CHCHD3: variants seen among roughly 807,000 people sequenced by gnomAD.
The protein encoded by CHCHD3 is MICOS complex subunit MIC19.
In CHCHD3, 20 loss-of-function variants were observed where a neutral mutation model predicts 38.2. The ratio of observed to expected loss-of-function variants is 0.52; its 90% CI spans 0.37 to 0.76. CHCHD3 has a LOEUF of 0.76. Ranked by LOEUF, CHCHD3 falls within the 30% of genes least tolerant of loss-of-function variation. The pLI, the probability that CHCHD3 is intolerant of heterozygous loss-of-function variation, is 0.00. For synonymous variants in CHCHD3, 82 were observed against 100.0 expected, an observed-to-expected ratio of 0.82 and a Z score of 1.07; for missense variants, 245 against 279.2, an observed-to-expected ratio of 0.88 and a Z score of 0.87.
chr7:132,804,282 C>A (rs1001611500), intron 6 of CHCHD3, among the ~76,000 whole-genome samples: 1 of 152,174 alleles, frequency 6.6e-6, no homozygotes, highest in African/African-American at 2.4e-5. Flanking sequence ...ATTATAATAG[C>A]TTACAATCAC....
At chr7:133,045,324 C>T (rs536771758) in intron 2 of CHCHD3, among the ~76,000 whole-genome samples, 10 of 152,292 alleles carry the variant, frequency 6.6e-5, no homozygotes, top group African/African-American at 1.4e-4. Context: ...CAGGCTTACA[C>T]GACGCACAGG....
At chr7:133,029,245 A>G (rs1167279362) in intron 2 of CHCHD3, among the ~76,000 whole-genome samples, 2 of 152,196 alleles carry the variant, frequency 1.3e-5, no homozygotes, top group Non-Finnish European at 2.9e-5. Flanking sequence ...ATTACCACAA[A>G]TATATCGAGC....
At position 133,017,770 on chromosome 7, in the gene CHCHD3, A is replaced by T. The variant is rs1013504381; in HGVS notation, c.251+6776T>A. ...AACAGTGTAGCATCAGTAGGAAAGAAAATTGGATTTGAAAAAAGAAATAAA... is the reference window on the plus strand; with the variant it reads ...AACAGTGTAGCATCAGTAGGAAAGATAATTGGATTTGAAAAAAGAAATAAA... On this transcript the variant is annotated intron_variant, in intron 3 of 7. Coordinates refer to ENST00000262570, the MANE Select transcript of CHCHD3 (RefSeq NM_017812.4). 3.9e-5 allele frequency among the ~76,000 whole-genome samples: 6 copies of T among 152,362 alleles called. No homozygotes were observed. In the East Asian group the frequency reaches 1.2e-3, roughly 29 times the overall value.
intron 5 of CHCHD3, among the ~76,000 whole-genome samples, chr7:132,863,308 G>A (rs928947939): frequency 1.3e-5 from 2 of 152,170 alleles, no homozygotes; most frequent in African/African-American, 4.8e-5. Context: ...AGAGCTCTTG[G>A]GTGACTAGGT....
chr7:132,978,746 A>C (rs1202308698), intron 3 of CHCHD3, among the ~76,000 whole-genome samples: 1 of 152,148 alleles, frequency 6.6e-6, no homozygotes, highest in African/African-American at 2.4e-5. Context: ...GTGCCACAAC[A>C]GTCCAGAGCC....
intron 6 of CHCHD3, among the ~76,000 whole-genome samples, chr7:132,821,965 T>C (rs987363440): frequency 2.0e-5 from 3 of 152,058 alleles, no homozygotes; most frequent in Non-Finnish European, 4.4e-5. Context: ...GGTTTCACCT[T>C]GTTAGCCAGG....
chr7:132,975,236 T>C lies in CHCHD3; in HGVS notation c.302A>G (p.Gln101Arg), dbSNP rs753167569. 3.7e-6 allele frequency: 6 copies of C among 1,613,000 alleles called. No individual in the cohort carries two copies. The highest frequency in any genetic ancestry group is 2.2e-5 in the South Asian group (2 of 91,010). The change falls in exon 4 of 8, where the codon CAG (glutamine) becomes CGG (arginine). Residue 101 changes from glutamine to arginine, a missense_variant. Transcript: ENST00000262570. ...LDRERAAANEQLTRAILRERI... is the reference protein window; with the variant it reads ...LDRERAAANERLTRAILRERI... The stretch of plus-strand genomic sequence containing the variant: ...CTCCCGAAGGATGGCTCTGGTTAAC[T>C]GCTCATTGGCAGCAGCCCTCTCTCG...
chr7:132,949,326 A>C (rs1055525289), intron 4 of CHCHD3, among the ~76,000 whole-genome samples: 4 of 152,028 alleles, frequency 2.6e-5, no homozygotes, highest in Non-Finnish European at 5.9e-5. Context: ...TCATCTTAAA[A>C]GAGAGAGGAC....
intron 1 of CHCHD3, among the ~76,000 whole-genome samples, chr7:133,080,661 A>G (rs1160164095): frequency 1.3e-5 from 2 of 152,250 alleles, no homozygotes; most frequent in East Asian, 3.8e-4. Context: ...CAGATATTTT[A>G]TTACAAAATG....
At chr7:133,014,768 C>A (rs1156252035) in intron 3 of CHCHD3, among the ~76,000 whole-genome samples, 1 of 152,070 alleles carries the variant, frequency 6.6e-6, no homozygotes, top group Non-Finnish European at 1.5e-5. Context: ...TTCTTTATTG[C>A]TTCCTAACTC....
intron 4 of CHCHD3, among the ~76,000 whole-genome samples, chr7:132,961,179 G>C (rs1374180515): frequency 6.6e-6 from 1 of 152,120 alleles, no homozygotes; most frequent in East Asian, 1.9e-4. Flanking sequence ...CTGTTTGGGA[G>C]GCTGAAGCAG....
At chr7:132,977,984 T>G (rs1811815653) in intron 3 of CHCHD3, among the ~76,000 whole-genome samples, 2 of 152,180 alleles carry the variant, frequency 1.3e-5, no homozygotes, top group African/African-American at 4.8e-5. Flanking sequence ...ATGCAAACTC[T>G]GGGTCCAAAT....
At chr7:132,974,923 G>A (rs561041574) in intron 4 of CHCHD3, among the ~76,000 whole-genome samples, 1 of 152,118 alleles carries the variant, frequency 6.6e-6, no homozygotes, top group South Asian at 2.1e-4. Flanking sequence ...CAATCCTTCA[G>A]GTGTGAAACA....
intron 3 of CHCHD3, among the ~76,000 whole-genome samples, chr7:133,012,792 G>T (rs898566702): frequency 1.7e-4 from 2 of 11,552 alleles, no homozygotes; most frequent in African/African-American, 9.3e-4. Context: ...GAGGAGAGGG[G>T]AGGGGAGGGG....
intron 2 of CHCHD3, among the ~76,000 whole-genome samples, chr7:133,030,692 TG>T (rs1349111957): frequency 6.6e-6 from 1 of 152,238 alleles, no homozygotes; most frequent in African/African-American, 2.4e-5. Context: ...TTTCCATACT[TG>T]TATAGTCTGT....
chr7:132,860,336 A>G (rs1808458744), intron 5 of CHCHD3, among the ~76,000 whole-genome samples: 1 of 127,274 alleles, frequency 7.9e-6, no homozygotes, highest in Non-Finnish European at 1.7e-5. Flanking sequence ...GAGAGAGAGA[A>G]CACAATCCCA....
chr7:132,967,461 T>A (rs1170450748), intron 4 of CHCHD3, among the ~76,000 whole-genome samples: 1 of 151,926 alleles, frequency 6.6e-6, no homozygotes, highest in Non-Finnish European at 1.5e-5. Context: ...AGCATAATAT[T>A]GAGCTTCTCA....
At chr7:133,032,214 G>T (rs1006473277) in intron 2 of CHCHD3, among the ~76,000 whole-genome samples, 26 of 152,262 alleles carry the variant, frequency 1.7e-4, no homozygotes, top group African/African-American at 5.3e-4. Context: ...GGCACACAGA[G>T]AATATAGGTA....
intron 7 of CHCHD3, among the ~76,000 whole-genome samples, chr7:132,792,421 C>T (rs1265904481): frequency 2.0e-5 from 3 of 152,158 alleles, no homozygotes; most frequent in Non-Finnish European, 2.9e-5. Context: ...TTCCCCAGGG[C>T]TGTCAGGAGT....
Sources: gnomAD v4.1 joint callset for allele counts (sites outside exome capture counted in the v4.1 genomes callset) on GRCh38, gnomAD v4.1.1 for gene constraint, MANE v1.5 for transcripts, NCBI Gene and HGNC (gene_info 2026-07-23, HGNC 2026-07-21) for gene names.